OR2A1: variants seen among roughly 807,000 people sequenced by gnomAD.
OR2A1 encodes olfactory receptor family 2 subfamily A member 1.
For synonymous variants in OR2A1, 2 were observed against 94.7 expected, an observed-to-expected ratio of 0.02 and a Z score of 5.68; for missense variants, 1 against 212.3, an observed-to-expected ratio of 0.00 and a Z score of 6.19.
In OR2A1 at chr7:144,321,276, G is replaced by GT. The variant is rs1386919114; in HGVS notation, c.*2222dup. ...GCTGCCGAACAGTTTTTAAACGGTT[G>GT]TTTAGTTTCACGGCAGATGCTGCAT... On this transcript the variant is annotated 3_prime_UTR_variant, in exon 2 of 2. Transcript: ENST00000641044. 7.3e-6 allele frequency: 1 copy of GT among 137,310 alleles called. No homozygotes were observed. Among genetic ancestry groups the GT allele is most frequent in the Non-Finnish European group, 1.5e-5 (1 of 65,130 alleles). 8.5% of individuals were successfully genotyped at this position (137,310 alleles called of 1,614,324 possible). A position where few individuals can be genotyped will look rare whatever the true frequency, so the allele number is the denominator to read the frequency against.
At chr7:144,313,021 T>C (rs2053037319) in intron 1 of OR2A1, among the ~76,000 whole-genome samples, 1 of 67,278 alleles carries the variant, frequency 1.5e-5, no homozygotes, top group South Asian at 5.2e-4. Flanking sequence ...AACCACCTCA[T>C]AAAATAGGTA....
chr7:144,316,024 A>G (rs1183558496), intron 1 of OR2A1, among the ~76,000 whole-genome samples: 2 of 139,482 alleles, frequency 1.4e-5, no homozygotes, highest in Non-Finnish European at 3.2e-5. Context: ...ATAAATAAAG[A>G]TGTTTATAAG....
At position 144,322,734 on chromosome 7, in the gene OR2A1, C is replaced by T. The variant is rs1389972785; in HGVS notation, c.*3677C>T. ...ACACAATAAACTTTGACTAAATGAA[C>T]AAATGAGTGGTTGTGTTCAAATTTC... On this transcript the variant is annotated 3_prime_UTR_variant, in exon 2 of 2. Transcript: ENST00000641044. 6.6e-6 allele frequency: 1 copy of T among 150,758 alleles called. No individual in the cohort carries two copies. The highest frequency in any genetic ancestry group is 1.5e-5 in the Non-Finnish European group (1 of 67,776). The allele number at this position is 150,758 out of a possible 1,614,324, so 9.3% of individuals were successfully genotyped here. A position where few individuals can be genotyped will look rare whatever the true frequency, so the allele number is the denominator to read the frequency against.
Position 144,321,598 on chromosome 7 carries a change from T to C in OR2A1, c.*2541T>C, listed in dbSNP as rs556408375. 34 of 150,260 alleles carry C rather than the reference T, an allele frequency of 2.3e-4. No individual in the cohort carries two copies. In the East Asian group the frequency reaches 5.3e-3, roughly 23 times the overall value. The allele number at this position is 150,260 out of a possible 1,614,324, so 9.3% of individuals were successfully genotyped here. On this transcript the variant is annotated 3_prime_UTR_variant, in exon 2 of 2. Transcript: ENST00000641044. ...CCTGGTTCTAGTTCCAGATGTACCA[T>C]TTGCTAGCTGTGTTTTTTGCAGAGA...
Position 144,321,825 on chromosome 7 carries a change from C to G in OR2A1, c.*2768C>G, listed in dbSNP as rs1331475876. 2 of 148,156 alleles carry G rather than the reference C, an allele frequency of 1.3e-5. No individual in the cohort carries two copies. Among genetic ancestry groups the G allele is most frequent in the Non-Finnish European group, 3.0e-5 (2 of 67,354 alleles). The allele number at this position is 148,156 out of a possible 1,614,324, so 9.2% of individuals were successfully genotyped here. ...CTGTCAGAAGTTATTTTAATCCTGTCAGGGTTGCTAAACTTTCTGATCTGG... is the reference window on the plus strand; with the variant it reads ...CTGTCAGAAGTTATTTTAATCCTGTGAGGGTTGCTAAACTTTCTGATCTGG... On this transcript the variant is annotated 3_prime_UTR_variant, in exon 2 of 2. Transcript: ENST00000641044.
chr7:144,316,849 G>GT (rs1455002189), intron 1 of OR2A1, among the ~76,000 whole-genome samples: 2 of 37,516 alleles, frequency 5.3e-5, no homozygotes, highest in East Asian at 1.3e-3. Context: ...ATCCAGAGAA[G>GT]CTTTTTCTTC....
In OR2A1 at chr7:144,321,989, T is replaced by A. The variant is rs1477237012; in HGVS notation, c.*2932T>A. 1.7e-5 allele frequency: 2 copies of A among 116,106 alleles called. No individual in the cohort carries two copies. The highest frequency in any genetic ancestry group is 4.1e-4 in the East Asian group (2 of 4,936). 7.2% of individuals were successfully genotyped at this position (116,106 alleles called of 1,614,324 possible). ...GGAGGGCATAGCTGGACCAGGAGCATGAGCTGTGGCCCAGACTCAGGGAAC... is the reference window on the plus strand; with the variant it reads ...GGAGGGCATAGCTGGACCAGGAGCAAGAGCTGTGGCCCAGACTCAGGGAAC... On this transcript the variant is annotated 3_prime_UTR_variant, in exon 2 of 2. Transcript: ENST00000641044.
upstream of OR2A1, among the ~76,000 whole-genome samples, chr7:144,312,133 C>T (rs2053029974): frequency 1.0e-5 from 1 of 99,604 alleles, no homozygotes. Context: ...GATGTTGTCT[C>T]AGAGGTGTGC....
rs1230871879 is a variant in OR2A1 at position 144,321,394 on chromosome 7, A to G, written c.*2337A>G. ...ACCAGGGGTAGGTTTCAAGGGATGA[A>G]TACTCCCCTGGTACCAGAGGAGCAG... On this transcript the variant is annotated 3_prime_UTR_variant, in exon 2 of 2. Coordinates refer to ENST00000641044, the MANE Select transcript of OR2A1 (RefSeq NM_001005287.2). 4 of 143,530 alleles carry G rather than the reference A, an allele frequency of 2.8e-5. No homozygotes were observed. The highest frequency in any genetic ancestry group is 3.3e-3 in the Middle Eastern group (1 of 306). The allele number at this position is 143,530 out of a possible 1,614,324, so 8.9% of individuals were successfully genotyped here.
Position 144,322,296 on chromosome 7 carries a change from T to C in OR2A1, c.*3239T>C, listed in dbSNP as rs1227193124. ...ACTCACAAAAAACATACGGAATACA[T>C]AGAGGACACTTTATCTGTTGACCCC... On this transcript the variant is annotated 3_prime_UTR_variant, in exon 2 of 2. Transcript: ENST00000641044. The C allele has an allele frequency of 6.7e-5, 10 of 148,306 alleles. No homozygotes were observed. Among genetic ancestry groups the C allele is most frequent in the Non-Finnish European group, 1.5e-4 (10 of 67,150 alleles). 9.2% of individuals were successfully genotyped at this position (148,306 alleles called of 1,614,324 possible). A position where few individuals can be genotyped will look rare whatever the true frequency, so the allele number is the denominator to read the frequency against.
chr7:144,321,397 CT>C lies in OR2A1; in HGVS notation c.*2341del, dbSNP rs2053160306. ...AGGGGTAGGTTTCAAGGGATGAATA[CT>C]CCCCTGGTACCAGAGGAGCAGCAGG... is the stretch of plus-strand genomic sequence containing the variant. On this transcript the variant is annotated 3_prime_UTR_variant, in exon 2 of 2. Coordinates refer to ENST00000641044, the MANE Select transcript of OR2A1 (RefSeq NM_001005287.2). 6.9e-6 allele frequency: 1 copy of C among 144,142 alleles called. No homozygotes were observed. The highest frequency in any genetic ancestry group is 1.5e-5 in the Non-Finnish European group (1 of 66,366). The allele number at this position is 144,142 out of a possible 1,614,324, so 8.9% of individuals were successfully genotyped here. A position where few individuals can be genotyped will look rare whatever the true frequency, so the allele number is the denominator to read the frequency against.
intron 1 of OR2A1, among the ~76,000 whole-genome samples, chr7:144,316,337 CTAACTTT>C (rs1179143603): frequency 6.7e-6 from 1 of 148,428 alleles, no homozygotes; most frequent in African/African-American, 2.5e-5. Flanking sequence ...TTTTTCTTTT[CTAACTTT>C]TAAGTTCAGG....
In OR2A1 at chr7:144,318,978, ACC is replaced by A. The variant is rs778235400; in HGVS notation, c.858_859del (p.Leu287AspfsTer86). ...TACAGTTTTTTCAACCCAACACTTAACCCCCTGATTTACAGCCTGAGGAACGG... is the reference window on the plus strand; with the variant it reads ...TACAGTTTTTTCAACCCAACACTTAACCCTGATTTACAGCCTGAGGAACGG... On this transcript the variant is annotated frameshift_variant, in exon 2 of 2. Coordinates refer to ENST00000641044, the MANE Select transcript of OR2A1 (RefSeq NM_001005287.2). LOFTEE classifies it low-confidence loss of function (END_TRUNC). 110 of 523,940 alleles carry A rather than the reference ACC, an allele frequency of 2.1e-4. No individual in the cohort carries two copies. The East Asian group carries it at 3.2e-3, about 15-fold the overall frequency. 32.5% of individuals were successfully genotyped at this position (523,940 alleles called of 1,614,324 possible).
In OR2A1 at chr7:144,321,866, T is replaced by A. The variant is rs2053168705; in HGVS notation, c.*2809T>A. ...TCTGATCTGGAACCAAAATTGCTCT[T>A]TAAACAGGAAGAGCATTGGTGCTGG... On this transcript the variant is annotated 3_prime_UTR_variant, in exon 2 of 2. Transcript: ENST00000641044. 1 of 144,352 alleles carries A rather than the reference T, an allele frequency of 6.9e-6. No homozygotes were observed. The highest frequency in any genetic ancestry group is 1.5e-5 in the Non-Finnish European group (1 of 66,496). 8.9% of individuals were successfully genotyped at this position (144,352 alleles called of 1,614,324 possible).
In OR2A1 at chr7:144,322,732, A is replaced by T. The variant is rs1450282300; in HGVS notation, c.*3675A>T. 1.3e-5 allele frequency: 2 copies of T among 150,782 alleles called. No individual in the cohort carries two copies. Among genetic ancestry groups the T allele is most frequent in the African/African-American group, 4.9e-5 (2 of 40,836 alleles). 9.3% of individuals were successfully genotyped at this position (150,782 alleles called of 1,614,324 possible). On this transcript the variant is annotated 3_prime_UTR_variant, in exon 2 of 2. Transcript: ENST00000641044. Reference sequence around the variant, plus strand: ...ACACACAATAAACTTTGACTAAATGAACAAATGAGTGGTTGTGTTCAAATT... The same window carrying T: ...ACACACAATAAACTTTGACTAAATGTACAAATGAGTGGTTGTGTTCAAATT...
Sources: allele counts gnomAD v4.1 joint callset (sites outside exome capture counted in the v4.1 genomes callset), GRCh38; gene constraint gnomAD v4.1.1; transcripts MANE v1.5; gene names NCBI Gene and HGNC (gene_info 2026-07-23, HGNC 2026-07-21).